Variants in GABRA1 observed in about 807,000 individuals in gnomAD.
The protein encoded by GABRA1 is gamma-aminobutyric acid receptor subunit alpha-1.
In GABRA1, 9 loss-of-function variants were observed where a neutral mutation model predicts 48.9. That is an observed-to-expected ratio of 0.18 (90% confidence interval 0.11 to 0.32). The LOEUF (loss-of-function observed/expected upper bound fraction) is 0.32, where lower values mean the gene tolerates loss of function less well. Among genes scored for constraint, GABRA1 ranks in the 10% least tolerant of loss-of-function variants. The probability of loss-of-function intolerance (pLI) is 1.00; values close to 1 mark genes in which losing one functional copy is unlikely to be tolerated. For missense variants in GABRA1, 285 were observed against 553.8 expected, an observed-to-expected ratio of 0.51 and a Z score of 4.87; for synonymous variants, 210 against 198.7, an observed-to-expected ratio of 1.06 and a Z score of -0.48.
At chr5:161,895,593 A>G in intron 8 of GABRA1, 73 bp from the exon 9 acceptor site, 1 of 1,325,454 alleles carries the variant, frequency 7.5e-7, no homozygotes, top group Non-Finnish European at 1.1e-6. Flanking sequence ...CTTTTGTTCA[A>G]GTAGGCTGTC....
intron 2 of GABRA1, among the ~76,000 whole-genome samples, chr5:161,852,900 A>G (rs949737980): frequency 1.3e-5 from 2 of 151,998 alleles, no homozygotes; most frequent in Non-Finnish European, 2.9e-5. Context: ...TTGATCATAT[A>G]TCTTGCTGCT....
intron 4 of GABRA1, among the ~76,000 whole-genome samples, chr5:161,867,640 C>A (rs1753928495): frequency 6.6e-6 from 1 of 151,998 alleles, no homozygotes; most frequent in Admixed American, 6.6e-5. Context: ...TAAATGATAG[C>A]TATTATTATT....
intron 7 of GABRA1, among the ~76,000 whole-genome samples, chr5:161,887,853 C>T (rs1482853697): frequency 6.6e-6 from 1 of 152,026 alleles, no homozygotes; most frequent in Non-Finnish European, 1.5e-5. Flanking sequence ...GTAATTTTAT[C>T]CTCACATCCT....
chr5:161,864,657 A>G (rs1757984028), intron 3 of GABRA1, among the ~76,000 whole-genome samples: 1 of 151,868 alleles, frequency 6.6e-6, no homozygotes, highest in African/African-American at 2.4e-5. Context: ...CAGGTGTTTA[A>G]GATACTCTTG....
In GABRA1 at chr5:161,895,808, A is replaced by G. The variant is rs748550764; in HGVS notation, c.999A>G (p.Thr333=). 2 of 1,614,078 alleles carry G rather than the reference A, an allele frequency of 1.2e-6. No homozygotes were observed. The highest frequency in any genetic ancestry group is 2.2e-5 in the South Asian group (2 of 91,078). Residue 333 remains threonine, a synonymous_variant, in exon 9 of 10, where the codon ACA becomes ACG. Transcript: ENST00000393943. ...FVFSALIEFA[T]VNYFTKRGYA... ...TCTCAGCTCTGATTGAGTTTGCCACAGTAAACTATTTCACTAAGAGAGGTT... is the reference window on the plus strand; with the variant it reads ...TCTCAGCTCTGATTGAGTTTGCCACGGTAAACTATTTCACTAAGAGAGGTT...
At chr5:161,850,609 G>A in intron 1 of GABRA1, 187 bp from the exon 2 acceptor site, 1 of 617,064 alleles carries the variant, frequency 1.6e-6, no homozygotes, top group Non-Finnish European at 2.9e-6. Context: ...ATTTCTGAAT[G>A]GAGAAATGGA....
At chr5:161,877,790 A>G (rs1445035220) in intron 6 of GABRA1, among the ~76,000 whole-genome samples, 1 of 152,132 alleles carries the variant, frequency 6.6e-6, no homozygotes, top group Non-Finnish European at 1.5e-5. Flanking sequence ...CTAAAGAAAA[A>G]TAAGTAAGCT....
chr5:161,855,328 T>A lies in GABRA1; in HGVS notation c.187+1058T>A, dbSNP rs911207414. Among the ~76,000 whole-genome samples the A allele has an allele frequency of 4.0e-5, 6 of 151,642 alleles. No individual in the cohort carries two copies. In the East Asian group the frequency reaches 9.7e-4, roughly 25 times the overall value. Reference sequence around the variant, plus strand: ...TATTTTGCACAGTATAATGACATGGTTGTGTATTATGGGTCTATTTTGAAG... The same window carrying A: ...TATTTTGCACAGTATAATGACATGGATGTGTATTATGGGTCTATTTTGAAG... On this transcript the variant is annotated intron_variant, in intron 3 of 9. Transcript: ENST00000393943.
At chr5:161,876,358 G>A (rs1400077238) in intron 6 of GABRA1, among the ~76,000 whole-genome samples, 3 of 152,040 alleles carry the variant, frequency 2.0e-5, no homozygotes, top group Non-Finnish European at 4.4e-5. Context: ...GCTTTCAACT[G>A]GTTTACATGC....
chr5:161,882,458 A>C, intron 6 of GABRA1, 100 bp from the exon 7 acceptor site: 1 of 1,150,696 alleles, frequency 8.7e-7, no homozygotes, highest in Non-Finnish European at 1.3e-6. Context: ...TGCCCTCTGG[A>C]ACCATGATAT....
intron 5 of GABRA1, among the ~76,000 whole-genome samples, chr5:161,874,646 A>G (rs1217085301): frequency 2.0e-5 from 3 of 152,102 alleles, no homozygotes; most frequent in Non-Finnish European, 2.9e-5. Flanking sequence ...TTTCTTTAAT[A>G]ATTTAATTTA....
Position 161,875,524 on chromosome 5 carries a change from A to G in GABRA1, c.477-36A>G, listed in dbSNP as rs183274236. 358 of 1,510,902 alleles carry G rather than the reference A, an allele frequency of 2.4e-4. 2 individuals are homozygous for G. The African/African-American group carries it at 4.1e-3, about 17-fold the overall frequency. 93.6% of individuals were successfully genotyped at this position (1,510,902 alleles called of 1,614,324 possible). A position where few individuals can be genotyped will look rare whatever the true frequency, so the allele number is the denominator to read the frequency against. On this transcript the variant is annotated intron_variant, in intron 5 of 9. Coordinates refer to ENST00000393943, the MANE Select transcript of GABRA1 (RefSeq NM_001127644.2). ...GTACTTATCAAGAAGTATCTAATCT[A>G]TATGGCTCTTGTTTGTATTCTATGT...
chr5:161,861,859 T>C (rs1026638956), intron 3 of GABRA1, among the ~76,000 whole-genome samples: 3 of 151,864 alleles, frequency 2.0e-5, no homozygotes, highest in African/African-American at 7.2e-5. Context: ...TAATGACTAA[T>C]ATTAGTCCAT....
Position 161,898,059 on chromosome 5 carries a change from G to A in GABRA1, c.*637G>A, listed in dbSNP as rs769792774. 3 of 151,102 alleles carry A rather than the reference G, an allele frequency of 2.0e-5. No individual in the cohort carries two copies. The highest frequency in any genetic ancestry group is 1.3e-4 in the Admixed American group (2 of 15,134). The allele number at this position is 151,102 out of a possible 1,614,324, so 9.4% of individuals were successfully genotyped here. A position where few individuals can be genotyped will look rare whatever the true frequency, so the allele number is the denominator to read the frequency against. ...TTTAAAATTCATGGAACTTTCATAC[G>A]TAAAGGTGCAGTTGCTCATTGTAGA... On this transcript the variant is annotated 3_prime_UTR_variant, in exon 10 of 10. Transcript: ENST00000393943.
rs372151608 is a variant in GABRA1, at chr5:161,882,726, T to C, written c.703+25T>C. ...GGTAAGTACGATTTTGTTACTTCAG[T>C]TATGGAGGAAGAAGAAGAATAATAT... On this transcript the variant is annotated intron_variant, in intron 7 of 9. Transcript: ENST00000393943. The C allele has an allele frequency of 1.4e-4, 218 of 1,599,174 alleles. 2 individuals are homozygous for C. The South Asian group carries it at 2.3e-3, about 17-fold the overall frequency.
chr5:161,871,419 G>A (rs997918974), intron 4 of GABRA1, among the ~76,000 whole-genome samples: 14 of 152,126 alleles, frequency 9.2e-5, no homozygotes, highest in African/African-American at 3.1e-4. Context: ...AGAAAATTTC[G>A]TCACATATTA....
chr5:161,892,302 G>A (rs979527101), intron 8 of GABRA1, among the ~76,000 whole-genome samples: 4 of 152,194 alleles, frequency 2.6e-5, no homozygotes, highest in Admixed American at 6.5e-5. Context: ...AGTCTAAACT[G>A]AGGATTATTC....
intron 3 of GABRA1, among the ~76,000 whole-genome samples, chr5:161,858,602 T>G (rs776707529): frequency 6.6e-6 from 1 of 151,768 alleles, no homozygotes; most frequent in Non-Finnish European, 1.5e-5. Context: ...TCTGTACATA[T>G]GCTCATTTCC....
chr5:161,862,735 A>C (rs1757910673), intron 3 of GABRA1, among the ~76,000 whole-genome samples: 1 of 152,014 alleles, frequency 6.6e-6, no homozygotes, highest in Admixed American at 6.6e-5. Context: ...TTTAATAAAC[A>C]TTTATTACTA....
Sources: gnomAD v4.1 joint callset for allele counts (sites outside exome capture counted in the v4.1 genomes callset) on GRCh38, gnomAD v4.1.1 for gene constraint, MANE v1.5 for transcripts, NCBI Gene and HGNC (gene_info 2026-07-23, HGNC 2026-07-21) for gene names.